The following DSC1 variants were observed in gnomAD, a reference collection of about 807,000 sequenced individuals.
DSC1 encodes desmocollin-1.
In DSC1, 79 loss-of-function variants were observed where a neutral mutation model predicts 98.8. That is an observed-to-expected ratio of 0.80 (90% confidence interval 0.67 to 0.96). The LOEUF (loss-of-function observed/expected upper bound fraction) is 0.96. Among genes scored for constraint, DSC1 ranks in the 50% least tolerant of loss-of-function variants. The pLI, the probability that DSC1 is intolerant of heterozygous loss-of-function variation, is 0.00. For missense variants in DSC1, 1,115 were observed against 1,075.9 expected (o/e 1.04, Z -0.51); for synonymous variants, 405 against 372.1 (o/e 1.09, Z -1.02).
At chr18:31,161,607 G>T (rs916217708) in intron 1 of DSC1, among the ~76,000 whole-genome samples, 19 of 152,036 alleles carry the variant, frequency 1.2e-4, no homozygotes, top group African/African-American at 4.6e-4. Context: ...AAATAAACAG[G>T]AGATGAATTG....
intron 11 of DSC1, among the ~76,000 whole-genome samples, chr18:31,139,063 G>A (rs998057133): frequency 6.6e-6 from 1 of 151,760 alleles, no homozygotes; most frequent in African/African-American, 2.4e-5. Flanking sequence ...AAATACATAT[G>A]ATAGCAAATA....
chr18:31,142,372 T>C (rs1567999379), intron 8 of DSC1, among the ~76,000 whole-genome samples, 188 bp from the exon 9 acceptor site: 1 of 152,172 alleles, frequency 6.6e-6, no homozygotes, highest in Non-Finnish European at 1.5e-5. Context: ...TTTCATATCT[T>C]TTCCATTCTT....
Position 31,131,734 on chromosome 18 carries a change from C to T in DSC1, c.2347G>A (p.Val783Ile), listed in dbSNP as rs748591215. ...GAATCCAAAGTGTAGCCTCCTTTGACCATCTCAAAACTTTGCTGTGTTTTG... is the reference window on the plus strand; with the variant it reads ...GAATCCAAAGTGTAGCCTCCTTTGATCATCTCAAAACTTTGCTGTGTTTTG... ...GIKTQQSFEM[V>I]KGGYTLDSNK... The change falls in exon 15 of 16, where the codon GTC (valine) becomes ATC (isoleucine). Residue 783 changes from valine to isoleucine, a missense_variant. Val to Ile is a conservative substitution (Grantham distance 29). Transcript: ENST00000257198. The T allele has an allele frequency of 3.1e-6, 5 of 1,613,996 alleles. No individual in the cohort carries two copies. In the East Asian group the frequency reaches 1.1e-4, roughly 36 times the overall value.
Position 31,155,594 on chromosome 18 carries a change from T to TG in DSC1, c.471+448_471+449insC, listed in dbSNP as rs1989081347. On this transcript the variant is annotated intron_variant, in intron 4 of 15. Transcript: ENST00000257198. Reference sequence around the variant, plus strand: ...GCGGTGAGCTGAGCTGATGCCACTATACTCCAAAATTTCAAAACTGTTCTA... The same window carrying TG: ...GCGGTGAGCTGAGCTGATGCCACTATGACTCCAAAATTTCAAAACTGTTCTA... Among the ~76,000 whole-genome samples, 3 of 152,300 alleles carry TG rather than the reference T, an allele frequency of 2.0e-5. No homozygotes were observed. In the East Asian group the frequency reaches 5.8e-4, roughly 29 times the overall value.
chr18:31,134,462 A>G, intron 12 of DSC1, 110 bp downstream of exon 12: 8 of 1,025,634 alleles, frequency 7.8e-6, no homozygotes, highest in Non-Finnish European at 1.1e-5. Flanking sequence ...TTTAGGGTTA[A>G]TAAAATAATT....
intron 11 of DSC1, among the ~76,000 whole-genome samples, chr18:31,138,386 T>C (rs1300842939): frequency 6.6e-6 from 1 of 152,126 alleles, no homozygotes; most frequent in African/African-American, 2.4e-5. Context: ...TGAGGAAAGT[T>C]CTCACATCAT....
intron 6 of DSC1, among the ~76,000 whole-genome samples, chr18:31,146,673 A>T (rs1988853485): frequency 6.6e-6 from 1 of 152,176 alleles, no homozygotes; most frequent in African/African-American, 2.4e-5. Context: ...ACTGCTTTCC[A>T]CAGGGGCTGA....
In DSC1 at chr18:31,162,671, G is replaced by T; in HGVS notation, c.-77C>A. 1 of 1,293,204 alleles carries T rather than the reference G, an allele frequency of 7.7e-7. No individual in the cohort carries two copies. The highest frequency in any genetic ancestry group is 1.1e-6 in the Non-Finnish European group (1 of 892,198). The allele number at this position is 1,293,204 out of a possible 1,614,324, so 80.1% of individuals were successfully genotyped here. On this transcript the variant is annotated 5_prime_UTR_variant, in exon 1 of 16. Transcript: ENST00000257198. ...GGATGCACAGAGCGGCTAAGAAGACGCTGGCACTTGCACAGGGTATTCTGC... is the reference window on the plus strand; with the variant it reads ...GGATGCACAGAGCGGCTAAGAAGACTCTGGCACTTGCACAGGGTATTCTGC...
At position 31,140,288 on chromosome 18, in the gene DSC1, T is replaced by C; in HGVS notation, c.1274A>G (p.Glu425Gly). ...VLCVVKPLNY[E>G]VNRQVILQVG... is the part of the protein sequence containing the mutation. ...TTGCAAAATAACTTGGCGATTGACTTCATAGTTCAATGGCTGTTAAATAAG... is the reference window on the plus strand; with the variant it reads ...TTGCAAAATAACTTGGCGATTGACTCCATAGTTCAATGGCTGTTAAATAAG... The change falls in exon 10 of 16, where the codon GAA becomes GGA. Residue 425 changes from glutamate (E) to glycine (G), a missense_variant. Transcript: ENST00000257198. The C allele has an allele frequency of 6.2e-7, 1 of 1,613,980 alleles. No homozygotes were observed. The highest frequency in any genetic ancestry group is 8.5e-7 in the Non-Finnish European group (1 of 1,179,868).
At chr18:31,137,447 C>T (rs1471539927) in intron 11 of DSC1, among the ~76,000 whole-genome samples, 1 of 152,092 alleles carries the variant, frequency 6.6e-6, no homozygotes, top group African/African-American at 2.4e-5. Context: ...AAATGTATAA[C>T]GTGGAGATTC....
At position 31,143,578 on chromosome 18, in the gene DSC1, TCACAG is replaced by T. The variant is rs756474289; in HGVS notation, c.1074+74_1074+78del. On this transcript the variant is annotated intron_variant, in intron 8 of 15. Transcript: ENST00000257198. ...AATCAAACTGTCAAACTTTGTGATCTCACAGAGCTACCAAATTCTAGACATGTTTT... is the reference window on the plus strand; with the variant it reads ...AATCAAACTGTCAAACTTTGTGATCTAGCTACCAAATTCTAGACATGTTTT... 6.8e-4 allele frequency: 809 copies of T among 1,189,870 alleles called. 1 individual carries two copies. In the Middle Eastern group the frequency reaches 9.5e-3, roughly 14 times the overall value. 73.7% of individuals were successfully genotyped at this position (1,189,870 alleles called of 1,614,324 possible). A position where few individuals can be genotyped will look rare whatever the true frequency, so the allele number is the denominator to read the frequency against.
At position 31,131,813 on chromosome 18, in the gene DSC1, T is replaced by C. The variant is rs1359558193; in HGVS notation, c.2268A>G (p.Thr756=). ...ACATGCTTGTGTCACAAATGTTGGA[T>C]GTCTGCATGGGGAGTCTAATATTTG... is the stretch of plus-strand genomic sequence containing the variant. ...TEANIRLPMQ[T]SNICDTSMSV... The change falls in exon 15 of 16, where the codon ACA becomes ACG. Residue 756 remains threonine (T), a synonymous_variant. Coordinates refer to ENST00000257198, the MANE Select transcript of DSC1 (RefSeq NM_024421.2). 5 of 1,614,116 alleles carry C rather than the reference T, an allele frequency of 3.1e-6. No individual in the cohort carries two copies. Among genetic ancestry groups the C allele is most frequent in the Non-Finnish European group, 4.2e-6 (5 of 1,179,982 alleles).
intron 11 of DSC1, among the ~76,000 whole-genome samples, chr18:31,135,068 T>C (rs1018895547): frequency 2.0e-5 from 3 of 152,182 alleles, no homozygotes; most frequent in Non-Finnish European, 4.4e-5. Context: ...ATAAAACAGA[T>C]GTCTTACATC....
At chr18:31,147,740 T>G (rs1419317669) in intron 6 of DSC1, among the ~76,000 whole-genome samples, 1 of 152,078 alleles carries the variant, frequency 6.6e-6, no homozygotes, top group Non-Finnish European at 1.5e-5. Context: ...ATTATAAGAT[T>G]TTAATATAAA....
At chr18:31,159,645 A>C (rs1989174782) in intron 1 of DSC1, 116 bp from the exon 2 acceptor site, 2 of 990,192 alleles carry the variant, frequency 2.0e-6, no homozygotes. Context: ...TTAATCATTT[A>C]ATTCTTTACA....
rs1989173388 is a variant in DSC1, at chr18:31,159,573, C to G, written c.64-44G>C. The G allele has an allele frequency of 2.7e-6, 4 of 1,483,140 alleles. No individual in the cohort carries two copies. The East Asian group carries it at 7.1e-5, about 26-fold the overall frequency. 91.9% of individuals were successfully genotyped at this position (1,483,140 alleles called of 1,614,324 possible). ...AAAAATATCAGGAATTAAATTTGAT[C>G]ACAAATTTTCACATTGTAGCTTTTT... On this transcript the variant is annotated intron_variant, in intron 1 of 15. Coordinates refer to ENST00000257198, the MANE Select transcript of DSC1 (RefSeq NM_024421.2).
chr18:31,156,168 T>C lies in DSC1; in HGVS notation c.352-6A>G, dbSNP rs1989094367. 1 of 1,598,110 alleles carries C rather than the reference T, an allele frequency of 6.3e-7. No individual in the cohort carries two copies. Among genetic ancestry groups the C allele is most frequent in the African/African-American group, 1.4e-5 (1 of 73,768 alleles). On this transcript the variant is annotated splice_polypyrimidine_tract_variant and splice_region_variant and intron_variant, in intron 3 of 15. Coordinates refer to ENST00000257198, the MANE Select transcript of DSC1 (RefSeq NM_024421.2). The stretch of plus-strand genomic sequence containing the variant: ...GTATGTCTCTTCTTAGGAGACTACA[T>C]TTGACAAGAAACAAAGAAATGTAGC...
chr18:31,156,301 G>C lies in DSC1; in HGVS notation c.352-139C>G, dbSNP rs1387769267. 9 of 979,576 alleles carry C rather than the reference G, an allele frequency of 9.2e-6. No homozygotes were observed. The East Asian group carries it at 1.7e-4, about 19-fold the overall frequency. 60.7% of individuals were successfully genotyped at this position (979,576 alleles called of 1,614,324 possible). ...GGCTAGTCAGCAAAGCATTTCTATT[G>C]ATAAAACACACACACACACCTCAGA... is the stretch of plus-strand genomic sequence containing the variant. On this transcript the variant is annotated intron_variant, in intron 3 of 15. Coordinates refer to ENST00000257198, the MANE Select transcript of DSC1 (RefSeq NM_024421.2).
At chr18:31,136,422 T>A (rs947106532) in intron 11 of DSC1, among the ~76,000 whole-genome samples, 5 of 152,174 alleles carry the variant, frequency 3.3e-5, no homozygotes, top group African/African-American at 9.7e-5. Context: ...GTAACGCAAA[T>A]CAAGATTTAT....
Sources: gnomAD v4.1 joint callset for allele counts (sites outside exome capture counted in the v4.1 genomes callset) on GRCh38, gnomAD v4.1.1 for gene constraint, MANE v1.5 for transcripts, NCBI Gene and HGNC (gene_info 2026-07-23, HGNC 2026-07-21) for gene names.